The following KCNQ3 variants were observed in gnomAD, a reference collection of about 807,000 sequenced individuals.
The protein encoded by KCNQ3 is potassium voltage-gated channel subfamily Q member 3.
Under a neutral mutation model 92.5 loss-of-function variants are expected in KCNQ3, and 30 were observed. The observed-to-expected ratio is 0.32, with a 90% CI of 0.24 to 0.44. The LOEUF (loss-of-function observed/expected upper bound fraction) is 0.44, where lower values mean the gene tolerates loss of function less well. Ranked by LOEUF, KCNQ3 falls within the 20% of genes least tolerant of loss-of-function variation. The pLI is 1.00. For missense variants in KCNQ3, 913 were observed against 1,140.3 expected (o/e 0.80, Z 2.87); for synonymous variants, 450 against 468.8 (o/e 0.96, Z 0.52).
chr8:132,174,196 C>T (rs772550285), intron 6 of KCNQ3, 43 bp downstream of exon 6: 1 of 1,387,514 alleles, frequency 7.2e-7, no homozygotes, highest in Non-Finnish European at 1.0e-6. Flanking sequence ...GGTAAGGGGT[C>T]CTGCACGTCA....
intron 1 of KCNQ3, 54 bp from the exon 2 acceptor site, chr8:132,186,235 G>C (rs1161908071): frequency 7.5e-7 from 1 of 1,340,206 alleles, no homozygotes; most frequent in Non-Finnish European, 1.1e-6. Context: ...GGCTTGCTTT[G>C]AGGCTAAGAT....
At chr8:132,308,527 T>C (rs573748591) in intron 1 of KCNQ3, among the ~76,000 whole-genome samples, 2 of 152,220 alleles carry the variant, frequency 1.3e-5, no homozygotes, top group East Asian at 1.9e-4. Flanking sequence ...AGAAAAGCCA[T>C]GTTCTCAGAG....
At chr8:132,317,305 C>T (rs117976793) in intron 1 of KCNQ3, among the ~76,000 whole-genome samples, 1,856 of 152,234 alleles carry the variant, frequency 0.012, 19 homozygotes, top group Middle Eastern at 0.02. Flanking sequence ...CCAGTGGTCA[C>T]CTATATTTTT....
chr8:132,131,492 G>T (rs2469621), intron 14 of KCNQ3, among the ~76,000 whole-genome samples: 46,923 of 152,008 alleles, frequency 0.31, 8,875 homozygotes, highest in Middle Eastern at 0.43. Flanking sequence ...TTGAGAAAAG[G>T]AGGACACACA....
intron 1 of KCNQ3, among the ~76,000 whole-genome samples, chr8:132,469,658 A>G (rs1343712153): frequency 6.6e-6 from 1 of 152,072 alleles, no homozygotes; most frequent in African/African-American, 2.4e-5. Flanking sequence ...TCTTGTTTGC[A>G]TTCTGTGAAG....
At chr8:132,246,460 T>C (rs1815185358) in intron 1 of KCNQ3, among the ~76,000 whole-genome samples, 1 of 152,228 alleles carries the variant, frequency 6.6e-6, no homozygotes, top group Non-Finnish European at 1.5e-5. Context: ...GTTTCTTTTA[T>C]GAGGCAGTCA....
chr8:132,343,332 C>T (rs1280061135), intron 1 of KCNQ3, among the ~76,000 whole-genome samples: 1 of 152,200 alleles, frequency 6.6e-6, no homozygotes, highest in African/African-American at 2.4e-5. Flanking sequence ...ATGGTGTCTA[C>T]ATGACACTGC....
At chr8:132,240,610 G>C (rs2130403899) in intron 1 of KCNQ3, among the ~76,000 whole-genome samples, 1 of 152,344 alleles carries the variant, frequency 6.6e-6, no homozygotes, top group East Asian at 1.9e-4. Context: ...CTGGATGCCA[G>C]AGACATCACA....
chr8:132,277,303 C>A (rs1816364776), intron 1 of KCNQ3, among the ~76,000 whole-genome samples: 1 of 152,180 alleles, frequency 6.6e-6, no homozygotes, highest in South Asian at 2.1e-4. Context: ...GGACTCTTGA[C>A]CCAAATCCAG....
At chr8:132,298,295 C>G (rs1388418009) in intron 1 of KCNQ3, among the ~76,000 whole-genome samples, 6 of 152,142 alleles carry the variant, frequency 3.9e-5, no homozygotes, top group Admixed American at 2.0e-4. Context: ...CACAAATAAA[C>G]AGACCACTAT....
At chr8:132,187,849 G>GTAGTGATGGTGGTGGTGGTGGTGA (rs1827037887) in intron 1 of KCNQ3, among the ~76,000 whole-genome samples, 1 of 101,532 alleles carries the variant, frequency 9.8e-6, no homozygotes, top group Non-Finnish European at 2.0e-5. Context: ...GGTGGTGGTG[G>GTAGTGATGGTGGTGGTGGTGGTGA]TAGTGATGGT....
intron 1 of KCNQ3, among the ~76,000 whole-genome samples, chr8:132,325,724 G>A (rs933692298): frequency 3.9e-5 from 6 of 152,106 alleles, no homozygotes; most frequent in East Asian, 1.9e-4. Flanking sequence ...ATACATTCCC[G>A]TTGTTGAAAT....
At chr8:132,458,588 G>A (rs1049448600) in intron 1 of KCNQ3, among the ~76,000 whole-genome samples, 3 of 152,180 alleles carry the variant, frequency 2.0e-5, no homozygotes, top group Non-Finnish European at 4.4e-5. Context: ...CCAAGTAGCT[G>A]GGACTACAGA....
chr8:132,299,832 T>C (rs1456667806), intron 1 of KCNQ3, among the ~76,000 whole-genome samples: 1 of 152,152 alleles, frequency 6.6e-6, no homozygotes, highest in Non-Finnish European at 1.5e-5. Flanking sequence ...GCAATTTAAA[T>C]TCTGTTTATA....
chr8:132,305,430 T>G (rs1005359716), intron 1 of KCNQ3, among the ~76,000 whole-genome samples: 1 of 152,218 alleles, frequency 6.6e-6, no homozygotes, highest in African/African-American at 2.4e-5. Flanking sequence ...CCCCACAATC[T>G]TACAAGTACC....
At chr8:132,302,944 C>T (rs1426168846) in intron 1 of KCNQ3, among the ~76,000 whole-genome samples, 2 of 152,184 alleles carry the variant, frequency 1.3e-5, no homozygotes, top group African/African-American at 4.8e-5. Flanking sequence ...AATCTTCAGG[C>T]ACTTCTGATC....
intron 1 of KCNQ3, among the ~76,000 whole-genome samples, chr8:132,461,835 T>C (rs1822068172): frequency 1.3e-5 from 2 of 152,258 alleles, no homozygotes; most frequent in African/African-American, 4.8e-5. Flanking sequence ...TTTAATGAGA[T>C]GTCTGTCCAA....
chr8:132,146,597 C>T (rs1363498287), intron 9 of KCNQ3, among the ~76,000 whole-genome samples: 1 of 145,488 alleles, frequency 6.9e-6, no homozygotes, highest in African/African-American at 2.5e-5. Flanking sequence ...TAGACCTGTA[C>T]TTTTTTTTTT....
At chr8:132,253,477 G>A (rs1445286344) in intron 1 of KCNQ3, among the ~76,000 whole-genome samples, 1 of 152,200 alleles carries the variant, frequency 6.6e-6, no homozygotes, top group African/African-American at 2.4e-5. Context: ...AGGCGCAGAG[G>A]AGACAGGCCC....
Sources: gnomAD v4.1 joint callset for allele counts (sites outside exome capture counted in the v4.1 genomes callset) on GRCh38, gnomAD v4.1.1 for gene constraint, MANE v1.5 for transcripts, NCBI Gene and HGNC (gene_info 2026-07-23, HGNC 2026-07-21) for gene names.